The following CSMD1 variants were observed in gnomAD, a reference collection of about 807,000 sequenced individuals.
CSMD1 encodes the protein CUB and Sushi multiple domains 1.
In CSMD1, 213 loss-of-function variants were observed where a neutral mutation model predicts 417.5. The ratio of observed to expected loss-of-function variants is 0.51; its 90% CI spans 0.46 to 0.57. The LOEUF is 0.57. Among genes scored for constraint, CSMD1 ranks in the 20% least tolerant of loss-of-function variants. The probability of loss-of-function intolerance (pLI) is 0.00; values close to 1 mark genes in which losing one functional copy is unlikely to be tolerated. For synonymous variants in CSMD1, 2,862 were observed against 1,736.8 expected (o/e 1.65, Z -16.11); for missense variants, 6,923 against 4,529.7 (o/e 1.53, Z -15.17).
chr8:4,669,765 G>T (rs185548399), intron 1 of CSMD1, among the ~76,000 whole-genome samples: 1 of 152,036 alleles, frequency 6.6e-6, no homozygotes, highest in Non-Finnish European at 1.5e-5. Flanking sequence ...CAGAGGTAGG[G>T]GGTACTGCAA....
intron 1 of CSMD1, among the ~76,000 whole-genome samples, chr8:4,864,635 T>C (rs1802319212): frequency 6.6e-6 from 1 of 151,722 alleles, no homozygotes. Flanking sequence ...TAAAATTGTA[T>C]TCAATGAATA....
chr8:4,772,646 G>A (rs961833079), intron 1 of CSMD1, among the ~76,000 whole-genome samples: 4 of 152,076 alleles, frequency 2.6e-5, no homozygotes, highest in Non-Finnish European at 2.9e-5. Context: ...TAAAGATGTG[G>A]AATCTGAAGG....
chr8:4,440,564 A>G (rs1006457023), intron 2 of CSMD1, among the ~76,000 whole-genome samples: 1 of 152,228 alleles, frequency 6.6e-6, no homozygotes, highest in African/African-American at 2.4e-5. Flanking sequence ...TCTATATGTA[A>G]TTTTCAAAGA....
intron 2 of CSMD1, among the ~76,000 whole-genome samples, chr8:4,436,365 G>C (rs1798149301): frequency 6.6e-6 from 1 of 152,084 alleles, no homozygotes; most frequent in Non-Finnish European, 1.5e-5. Flanking sequence ...TTAATTGCCT[G>C]ATTTATACAT....
At chr8:4,055,559 AAAG>A (rs141484383) in intron 3 of CSMD1, among the ~76,000 whole-genome samples, 58 of 141,166 alleles carry the variant, frequency 4.1e-4, no homozygotes, top group Middle Eastern at 3.6e-3. Context: ...AATATCATAT[AAAG>A]AAGAAGAGTC....
At chr8:4,550,194 G>A (rs1212955278) in intron 2 of CSMD1, among the ~76,000 whole-genome samples, 1 of 151,896 alleles carries the variant, frequency 6.6e-6, no homozygotes, top group Non-Finnish European at 1.5e-5. Flanking sequence ...TGTGCTGTGT[G>A]CAACTTTCCC....
At chr8:3,393,641 A>G (rs1032092919) in intron 17 of CSMD1, among the ~76,000 whole-genome samples, 2 of 152,114 alleles carry the variant, frequency 1.3e-5, no homozygotes, top group African/African-American at 2.4e-5. Context: ...CATATACACA[A>G]TGGAATAGTA....
At chr8:3,384,364 G>C (rs1047492437) in intron 18 of CSMD1, among the ~76,000 whole-genome samples, 5 of 151,546 alleles carry the variant, frequency 3.3e-5, no homozygotes, top group Admixed American at 6.6e-5. Context: ...TGTCTTAATA[G>C]GATATCCCTT....
intron 23 of CSMD1, among the ~76,000 whole-genome samples, chr8:3,330,334 A>G (rs11776410): frequency 1.3e-5 from 2 of 152,060 alleles, no homozygotes; most frequent in East Asian, 3.9e-4. Flanking sequence ...AGCAAAGACA[A>G]AGACTCAATC....
At chr8:3,803,837 A>C (rs1800587281) in intron 5 of CSMD1, among the ~76,000 whole-genome samples, 1 of 152,178 alleles carries the variant, frequency 6.6e-6, no homozygotes, top group Non-Finnish European at 1.5e-5. Context: ...CACCTTAATA[A>C]ACATGGCAAA....
At chr8:3,304,805 G>T (rs1222594527) in intron 25 of CSMD1, among the ~76,000 whole-genome samples, 1 of 151,652 alleles carries the variant, frequency 6.6e-6, no homozygotes, top group East Asian at 1.9e-4. Context: ...GACTTGGTTT[G>T]CATTTAGAGA....
chr8:4,056,365 G>C (rs989748001), intron 3 of CSMD1, among the ~76,000 whole-genome samples: 7 of 150,948 alleles, frequency 4.6e-5, no homozygotes, highest in Admixed American at 4.0e-4. Flanking sequence ...TTATAGGCAT[G>C]AGCCACCATG....
intron 2 of CSMD1, among the ~76,000 whole-genome samples, chr8:4,463,288 G>C (rs769198414): frequency 6.6e-5 from 10 of 152,166 alleles, no homozygotes; most frequent in Admixed American, 3.9e-4. Context: ...CAGTTAGTAA[G>C]TGTTGGTGAG....
chr8:3,498,500 G>A (rs1353060240), intron 10 of CSMD1, among the ~76,000 whole-genome samples: 2 of 152,130 alleles, frequency 1.3e-5, no homozygotes, highest in Non-Finnish European at 2.9e-5. Flanking sequence ...CATTAGATCT[G>A]TTTGGTGATC....
At chr8:3,407,119 A>G (rs1812392426) in intron 14 of CSMD1, among the ~76,000 whole-genome samples, 1 of 152,056 alleles carries the variant, frequency 6.6e-6, no homozygotes, top group Admixed American at 6.6e-5. Context: ...AGATGAATGG[A>G]AGGATGGATG....
intron 1 of CSMD1, among the ~76,000 whole-genome samples, chr8:4,730,309 A>G (rs1809760211): frequency 6.6e-6 from 1 of 152,224 alleles, no homozygotes; most frequent in Admixed American, 6.5e-5. Flanking sequence ...AATCAAAGAC[A>G]AATTCAGTTC....
At position 4,790,616 on chromosome 8, in the gene CSMD1, A is replaced by T. The variant is rs191955292; in HGVS notation, c.86-153058T>A. 3.2e-4 allele frequency among the ~76,000 whole-genome samples: 49 copies of T among 152,338 alleles called. No homozygotes were observed. The East Asian group carries it at 4.3e-3, about 13-fold the overall frequency. On this transcript the variant is annotated intron_variant, in intron 1 of 69. Transcript: ENST00000635120. ...GCTACAGTAACTAAAACAGCACGGT[A>T]CTGGTACAAAAGCAGACACATAGAC...
At chr8:4,389,052 T>A (rs1803661864) in intron 3 of CSMD1, among the ~76,000 whole-genome samples, 1 of 152,318 alleles carries the variant, frequency 6.6e-6, no homozygotes, top group Admixed American at 6.5e-5. Flanking sequence ...TCTGGTCTTA[T>A]TTTACATTTG....
intron 1 of CSMD1, among the ~76,000 whole-genome samples, chr8:4,991,567 C>G (rs950025210): frequency 5.3e-5 from 8 of 152,162 alleles, no homozygotes; most frequent in Admixed American, 3.9e-4. Flanking sequence ...GGCGCAGCTG[C>G]CCACGGCAGT....
Sources: allele counts gnomAD v4.1 joint callset (sites outside exome capture counted in the v4.1 genomes callset), GRCh38; gene constraint gnomAD v4.1.1; transcripts MANE v1.5; gene names NCBI Gene and HGNC (gene_info 2026-07-23, HGNC 2026-07-21).